CNTNAP2: variants seen among roughly 807,000 people sequenced by gnomAD.
The protein encoded by CNTNAP2 is contactin-associated protein-like 2.
Under a neutral mutation model 155.2 loss-of-function variants are expected in CNTNAP2, and 98 were observed. That is an observed-to-expected ratio of 0.63 (90% CI 0.54 to 0.75). The LOEUF is 0.75. Ranked by LOEUF, CNTNAP2 falls within the 30% of genes least tolerant of loss-of-function variation. The pLI is 0.00. For missense variants in CNTNAP2, 1,727 were observed against 1,688.1 expected (o/e 1.02, Z -0.40); for synonymous variants, 651 against 631.2 (o/e 1.03, Z -0.47).
chr7:146,574,820 G>A (rs542665990), intron 1 of CNTNAP2, among the ~76,000 whole-genome samples: 1 of 152,156 alleles, frequency 6.6e-6, no homozygotes, highest in African/African-American at 2.4e-5. Context: ...TTCATTTTTT[G>A]AAAGGAGTGG....
chr7:147,512,324 AT>A (rs373552861), intron 11 of CNTNAP2, among the ~76,000 whole-genome samples: 307 of 152,266 alleles, frequency 2.0e-3, no homozygotes, highest in South Asian at 3.7e-3. Context: ...AGAATTCTAA[AT>A]TTTTTTGCAC....
intron 1 of CNTNAP2, among the ~76,000 whole-genome samples, chr7:146,358,236 G>A (rs1304603752): frequency 6.6e-5 from 10 of 151,874 alleles, no homozygotes; most frequent in Admixed American, 5.2e-4. Flanking sequence ...GGGTTTCCCC[G>A]TGTTAGCCAG....
chr7:147,083,543 T>C (rs979399674), intron 4 of CNTNAP2, among the ~76,000 whole-genome samples: 1 of 129,216 alleles, frequency 7.7e-6, no homozygotes, highest in South Asian at 2.3e-4. Context: ...TATACATATA[T>C]ATATATGTAT....
chr7:148,151,191 T>C (rs763049078), intron 17 of CNTNAP2, among the ~76,000 whole-genome samples: 14 of 152,094 alleles, frequency 9.2e-5, no homozygotes, highest in Non-Finnish European at 1.8e-4. Context: ...AATATTTCTG[T>C]GTTAATTAGG....
intron 9 of CNTNAP2, among the ~76,000 whole-genome samples, chr7:147,325,985 C>T (rs1020366222): frequency 6.6e-5 from 10 of 152,104 alleles, no homozygotes; most frequent in African/African-American, 2.2e-4. Context: ...TGCAGTGGCA[C>T]AATCTCGGCT....
intron 9 of CNTNAP2, among the ~76,000 whole-genome samples, chr7:147,363,495 C>T (rs1320748959): frequency 6.6e-6 from 1 of 152,168 alleles, no homozygotes; most frequent in Non-Finnish European, 1.5e-5. Flanking sequence ...TTTCTAACTG[C>T]ACATTAGCTG....
intron 13 of CNTNAP2, among the ~76,000 whole-genome samples, chr7:147,894,916 A>G (rs908106951): frequency 6.0e-5 from 9 of 151,204 alleles, no homozygotes; most frequent in African/African-American, 2.2e-4. Flanking sequence ...GAAAATAAAT[A>G]ACAGAAATCT....
intron 3 of CNTNAP2, among the ~76,000 whole-genome samples, chr7:146,980,324 G>A (rs1266579329): frequency 6.6e-6 from 1 of 152,196 alleles, no homozygotes; most frequent in Admixed American, 6.6e-5. Flanking sequence ...GGACTGAGCT[G>A]TATGTGTCGG....
At chr7:147,485,713 T>G (rs930754009) in intron 10 of CNTNAP2, among the ~76,000 whole-genome samples, 3 of 152,214 alleles carry the variant, frequency 2.0e-5, no homozygotes, top group Non-Finnish European at 4.4e-5. Flanking sequence ...GTCTACTGTT[T>G]ACTCAAAAAT....
At chr7:146,139,088 A>G (rs1339057102) in intron 1 of CNTNAP2, among the ~76,000 whole-genome samples, 2 of 152,156 alleles carry the variant, frequency 1.3e-5, no homozygotes, top group African/African-American at 4.8e-5. Context: ...ATCTGGCAGC[A>G]TGATCCACTA....
At chr7:147,496,973 C>T (rs1297772222) in intron 11 of CNTNAP2, 3 of 152,076 alleles carry the variant, frequency 2.0e-5, no homozygotes, top group Non-Finnish European at 4.4e-5. Context: ...TAAATAATCT[C>T]CTCCTGTTAT....
At chr7:146,311,380 CA>C (rs1183209822) in intron 1 of CNTNAP2, among the ~76,000 whole-genome samples, 1 of 151,968 alleles carries the variant, frequency 6.6e-6, no homozygotes, top group Non-Finnish European at 1.5e-5. Flanking sequence ...CCTAAAACAA[CA>C]AATATTACAC....
In CNTNAP2 at chr7:147,740,250, ATG is replaced by A. The variant is rs530921125; in HGVS notation, c.2098+100947_2098+100948del. Among the ~76,000 whole-genome samples, 6 of 116,996 alleles carry A rather than the reference ATG, an allele frequency of 5.1e-5. No individual in the cohort carries two copies. The South Asian group carries it at 1.8e-3, about 35-fold the overall frequency. The allele number at this position is 116,996 out of a possible 152,430, so 76.8% of individuals were successfully genotyped here. A position where few individuals can be genotyped will look rare whatever the true frequency, so the allele number is the denominator to read the frequency against. ...TCAAAACATTTTCTAAGAGTGTGATATGTGCAGCAAGCATTTAAATTTAGATA... is the reference window on the plus strand; with the variant it reads ...TCAAAACATTTTCTAAGAGTGTGATATGCAGCAAGCATTTAAATTTAGATA... On this transcript the variant is annotated intron_variant, in intron 13 of 23. Coordinates refer to ENST00000361727, the MANE Select transcript of CNTNAP2 (RefSeq NM_014141.6).
At chr7:147,833,685 C>T (rs1462254236) in intron 13 of CNTNAP2, among the ~76,000 whole-genome samples, 1 of 152,194 alleles carries the variant, frequency 6.6e-6, no homozygotes, top group Admixed American at 6.5e-5. Flanking sequence ...AGGTTCCAAA[C>T]TCTGCATGTC....
chr7:147,729,874 C>A (rs915188340), intron 13 of CNTNAP2, among the ~76,000 whole-genome samples: 1 of 151,964 alleles, frequency 6.6e-6, no homozygotes, highest in Non-Finnish European at 1.5e-5. Context: ...GAAAAAAGAC[C>A]AGTGAGGATA....
chr7:148,024,013 T>C (rs1802331307), intron 15 of CNTNAP2, among the ~76,000 whole-genome samples: 1 of 152,150 alleles, frequency 6.6e-6, no homozygotes, highest in South Asian at 2.1e-4. Flanking sequence ...GGCCTGCACT[T>C]GACACTGTCC....
Position 148,306,416 on chromosome 7 carries a change from C to A in CNTNAP2, c.3475+39290C>A, listed in dbSNP as rs1008889965. Among the ~76,000 whole-genome samples, 12 of 152,260 alleles carry A rather than the reference C, an allele frequency of 7.9e-5. 1 individual carries two copies. The highest frequency in any genetic ancestry group is 2.9e-4 in the African/African-American group (12 of 41,560). ...TCTTTCATTTCCTGTTCTCTCTTCC[C>A]AGAATTTGTTATTCAGCTATCAGAC... On this transcript the variant is annotated intron_variant, in intron 21 of 23. Transcript: ENST00000361727.
chr7:146,354,121 A>T (rs966790626), intron 1 of CNTNAP2, among the ~76,000 whole-genome samples: 1 of 152,156 alleles, frequency 6.6e-6, no homozygotes, highest in Non-Finnish European at 1.5e-5. Flanking sequence ...ATAACTACTC[A>T]TGAAGATAAT....
At chr7:147,640,811 T>G (rs1795260510) in intron 13 of CNTNAP2, among the ~76,000 whole-genome samples, 1 of 152,050 alleles carries the variant, frequency 6.6e-6, no homozygotes. Flanking sequence ...GAGAAAACCC[T>G]GTGTGTGGTG....
Sources: gnomAD v4.1 joint callset for allele counts (sites outside exome capture counted in the v4.1 genomes callset) on GRCh38, gnomAD v4.1.1 for gene constraint, MANE v1.5 for transcripts, NCBI Gene and HGNC (gene_info 2026-07-23, HGNC 2026-07-21) for gene names.